The following ZSCAN20 variants were observed in gnomAD, a reference collection of about 807,000 sequenced individuals.
ZSCAN20 encodes zinc finger and SCAN domain-containing protein 20.
A neutral mutation model predicts 97.1 loss-of-function variants in ZSCAN20; 39 were observed. That is an observed-to-expected ratio of 0.40 (90% CI 0.31 to 0.52). The LOEUF (loss-of-function observed/expected upper bound fraction) is 0.52, where lower values mean the gene tolerates loss of function less well. Ranked by LOEUF, ZSCAN20 falls within the 20% of genes least tolerant of loss-of-function variation. ZSCAN20 has a pLI of 0.49. For missense variants in ZSCAN20, 1,115 were observed against 1,290.4 expected, an observed-to-expected ratio of 0.86 and a Z score of 2.08; for synonymous variants, 456 against 467.3, an observed-to-expected ratio of 0.98 and a Z score of 0.31.
In ZSCAN20 at chr1:33,488,204, C is replaced by G. The variant is rs560232774; in HGVS notation, c.418-261C>G. The stretch of plus-strand genomic sequence containing the variant: ...TACACAAATTTTACATAATTTATCT[C>G]TTTATGAATCAAAAATGTTTTGAAC... On this transcript the variant is annotated intron_variant, in intron 2 of 7. Coordinates refer to ENST00000684572, the MANE Select transcript of ZSCAN20 (RefSeq NM_001377376.1). Among the ~76,000 whole-genome samples, 7 of 152,200 alleles carry G rather than the reference C, an allele frequency of 4.6e-5. No homozygotes were observed. The East Asian group carries it at 1.2e-3, about 25-fold the overall frequency.
At chr1:33,485,533 C>CCA (rs59405726) in intron 2 of ZSCAN20, among the ~76,000 whole-genome samples, 113,175 of 151,612 alleles carry the variant, frequency 0.75, 42,545 homozygotes, top group African/African-American at 0.78. Context: ...CCTCAGCCCC[C>CCA]TGTAGCTGGG....
chr1:33,495,471 T>G lies in ZSCAN20; in HGVS notation c.3127T>G (p.Ser1043Ala). Residue 1043 changes from serine (S) to alanine (A), a missense_variant, in exon 8 of 8, where the codon TCG becomes GCG. This residue lies in a region of ZSCAN20 where 554 missense variants were observed against 584.9 expected (regional missense o/e 0.95). Coordinates refer to ENST00000684572, the MANE Select transcript of ZSCAN20 (RefSeq NM_001377376.1). ...HRRTHAGGKA[S>A] ...GAGAACCCATGCAGGAGGGAAGGCGTCGTAGGGGACAGTTTCCTCAACAAC... is the reference window on the plus strand; with the variant it reads ...GAGAACCCATGCAGGAGGGAAGGCGGCGTAGGGGACAGTTTCCTCAACAAC... The G allele has an allele frequency of 2.6e-6, 4 of 1,517,574 alleles. No individual in the cohort carries two copies. Among genetic ancestry groups the G allele is most frequent in the East Asian group, 2.3e-5 (1 of 44,010 alleles). 94.0% of individuals were successfully genotyped at this position (1,517,574 alleles called of 1,614,324 possible). A position where few individuals can be genotyped will look rare whatever the true frequency, so the allele number is the denominator to read the frequency against.
chr1:33,491,533 G>A lies in ZSCAN20; in HGVS notation c.1275G>A (p.Val425=). Residue 425 remains valine, a synonymous_variant, in exon 6 of 8, where the codon GTG becomes GTA. Transcript: ENST00000684572. The surrounding 1 kb of genome is among the most constrained non-coding windows in gnomAD (Gnocchi z 4.3). ...IRATDGPGEA[V]ALPRLGYSDA... ...CCACAGATGGCCCAGGAGAGGCCGT[G>A]GCACTTCCCAGGCTCGGGTATAGTG... 1 of 1,614,114 alleles carries A rather than the reference G, an allele frequency of 6.2e-7. No homozygotes were observed.
intron 2 of ZSCAN20, among the ~76,000 whole-genome samples, chr1:33,482,292 TA>T (rs2148453868): frequency 6.6e-6 from 1 of 152,356 alleles, no homozygotes; most frequent in East Asian, 1.9e-4. Flanking sequence ...TTTTGCCTTT[TA>T]AAAAATGTTA....
At position 33,495,431 on chromosome 1, in the gene ZSCAN20, C is replaced by T. The variant is rs1322944441; in HGVS notation, c.3087C>T (p.His1029=). ...GCAAAGACTTCAACAACAGTTCCCACTTCAGTGCTCACCGGAGAACCCATG... is the reference window on the plus strand; with the variant it reads ...GCAAAGACTTCAACAACAGTTCCCATTTCAGTGCTCACCGGAGAACCCATG... ...ECGKDFNNSS[H]FSAHRRTHAG... is the part of the protein sequence containing the mutation. The change falls in exon 8 of 8, where the codon CAC becomes CAT. Residue 1029 remains histidine (H), a synonymous_variant. Coordinates refer to ENST00000684572, the MANE Select transcript of ZSCAN20 (RefSeq NM_001377376.1). 1.9e-6 allele frequency: 3 copies of T among 1,574,588 alleles called. No homozygotes were observed. In the South Asian group the frequency reaches 3.6e-5, roughly 19 times the overall value.
intron 1 of ZSCAN20, among the ~76,000 whole-genome samples, chr1:33,474,738 G>C (rs1651856907): frequency 6.6e-6 from 1 of 152,186 alleles, no homozygotes. Flanking sequence ...AAAATCCAGA[G>C]TGCTAGTTTC....
chr1:33,487,127 T>C (rs1652400092), intron 2 of ZSCAN20, among the ~76,000 whole-genome samples: 1 of 152,182 alleles, frequency 6.6e-6, no homozygotes, highest in Non-Finnish European at 1.5e-5. Context: ...TCTAAAAGAA[T>C]GCAGAAGAGC....
chr1:33,494,684 T>C lies in ZSCAN20; in HGVS notation c.2340T>C (p.Asn780=). 1 of 1,613,698 alleles carries C rather than the reference T, an allele frequency of 6.2e-7. No homozygotes were observed. The highest frequency in any genetic ancestry group is 8.5e-7 in the Non-Finnish European group (1 of 1,179,906). Residue 780 remains asparagine, a synonymous_variant, in exon 8 of 8, where the codon AAT becomes AAC. Coordinates refer to ENST00000684572, the MANE Select transcript of ZSCAN20 (RefSeq NM_001377376.1). ...GGAAAAGCTTTAGTGACCATTCTAA[T>C]CTCATCACTCACCAGAGAATTCACA... ...ECGKSFSDHS[N]LITHQRIHTG...
At chr1:33,479,811 TGAGAAC>T in intron 2 of ZSCAN20, 106 bp downstream of exon 2, 4 of 1,241,186 alleles carry the variant, frequency 3.2e-6, no homozygotes, top group Non-Finnish European at 3.3e-6. Flanking sequence ...CAATAGTTAT[TGAGAAC>T]TGACACTTAT....
Position 33,491,714 on chromosome 1 carries a change from G to T in ZSCAN20, c.1444+12G>T. The stretch of plus-strand genomic sequence containing the variant: ...CCAGAGTCGTATTGGTAAGAACATG[G>T]GGGTTTAGTCAGATTCAGATTTCCA... On this transcript the variant is annotated intron_variant, in intron 6 of 7. Coordinates refer to ENST00000684572, the MANE Select transcript of ZSCAN20 (RefSeq NM_001377376.1). This position sits in a 1 kb window ranked among gnomAD's most constrained non-coding sequence, Gnocchi z 4.3. The T allele has an allele frequency of 6.4e-7, 1 of 1,559,180 alleles. No homozygotes were observed. The highest frequency in any genetic ancestry group is 8.7e-7 in the Non-Finnish European group (1 of 1,155,878).
rs903354400 is a variant in ZSCAN20, at chr1:33,500,188, T to C, written c.*4712T>C. Among the ~76,000 whole-genome samples, 1 of 152,188 alleles carries C rather than the reference T, an allele frequency of 6.6e-6. No homozygotes were observed. Among genetic ancestry groups the C allele is most frequent in the Non-Finnish European group, 1.5e-5 (1 of 68,018 alleles). On this transcript the variant is annotated 3_prime_UTR_variant, in exon 8 of 8. Coordinates refer to ENST00000684572, the MANE Select transcript of ZSCAN20 (RefSeq NM_001377376.1). ...CAGCAAGCCTGCACTTACCTCCAAA[T>C]AAATGCATGTTTTCGGGGGGCAAAG...
rs148065670 is a variant in ZSCAN20, at chr1:33,500,130, T to C, written c.*4654T>C. Among the ~76,000 whole-genome samples, 10 of 152,310 alleles carry C rather than the reference T, an allele frequency of 6.6e-5. No homozygotes were observed. The highest frequency in any genetic ancestry group is 8.8e-5 in the Non-Finnish European group (6 of 68,010). On this transcript the variant is annotated 3_prime_UTR_variant, in exon 8 of 8. Transcript: ENST00000684572. ...CAGCATCACTATTACTGCTAGCATG[T>C]CTTTAGCATCATTTTGCCCTCCCTC... is the stretch of plus-strand genomic sequence containing the variant.
chr1:33,488,718 G>A, intron 3 of ZSCAN20, 67 bp downstream of exon 3: 1 of 1,514,766 alleles, frequency 6.6e-7, no homozygotes, highest in African/African-American at 1.4e-5. Context: ...AGGTGAGGAA[G>A]GGTGCATGGG....
In ZSCAN20 at chr1:33,495,243, T is replaced by C; in HGVS notation, c.2899T>C (p.Phe967Leu). The C allele has an allele frequency of 6.2e-7, 1 of 1,612,560 alleles. No individual in the cohort carries two copies. Among genetic ancestry groups the C allele is most frequent in the Non-Finnish European group, 8.5e-7 (1 of 1,179,120 alleles). ...KPYKCLECGK[F>L]FRDRSNLITH... The stretch of plus-strand genomic sequence containing the variant: ...CTACAAATGCCTTGAGTGTGGAAAA[T>C]TCTTCCGTGACCGTTCTAACCTCAT... Residue 967 changes from phenylalanine (F) to leucine (L), a missense_variant, in exon 8 of 8, where the codon TTC becomes CTC. By Grantham distance (22) the Phe-to-Leu change is conservative. This residue lies in a region of ZSCAN20 where 554 missense variants were observed against 584.9 expected (regional missense o/e 0.95). Transcript: ENST00000684572.
intron 2 of ZSCAN20, among the ~76,000 whole-genome samples, chr1:33,479,964 G>T (rs979460944): frequency 2.6e-5 from 4 of 152,074 alleles, no homozygotes; most frequent in Non-Finnish European, 1.5e-5. Flanking sequence ...GAAAAGATAG[G>T]TAAGTTGCCC....
intron 1 of ZSCAN20, among the ~76,000 whole-genome samples, chr1:33,475,465 G>T (rs1287986795): frequency 6.6e-6 from 1 of 152,146 alleles, no homozygotes; most frequent in Non-Finnish European, 1.5e-5. Flanking sequence ...CATTAGATGA[G>T]AATTCGCTTG....
At position 33,496,816 on chromosome 1, in the gene ZSCAN20, C is replaced by T. The variant is rs904221284; in HGVS notation, c.*1340C>T. 1.3e-5 allele frequency among the ~76,000 whole-genome samples: 2 copies of T among 152,162 alleles called. No individual in the cohort carries two copies. The highest frequency in any genetic ancestry group is 2.9e-5 in the Non-Finnish European group (2 of 68,032). ...GTTCTTGGCACAATTTTACCCTGAG[C>T]CATCCTGTCCCAGGCCTGCCCAGGG... On this transcript the variant is annotated 3_prime_UTR_variant, in exon 8 of 8. Transcript: ENST00000684572.
rs372552175 is a variant in ZSCAN20 at position 33,490,650 on chromosome 1, AACACACACACAC to A, written c.767-352_767-341del. On this transcript the variant is annotated intron_variant, in intron 5 of 7. Transcript: ENST00000684572. ...AGGACAGAGACTCACTACACACACAAACACACACACACACACACACACACACACACACACCAC... is the reference window on the plus strand; with the variant it reads ...AGGACAGAGACTCACTACACACACAAACACACACACACACACACACACCAC... 7.7e-4 allele frequency among the ~76,000 whole-genome samples: 109 copies of A among 141,202 alleles called. 3 individuals carry two copies. The highest frequency in any genetic ancestry group is 2.8e-3 in the African/African-American group (104 of 37,572). 92.6% of individuals were successfully genotyped at this position (141,202 alleles called of 152,430 possible). A position where few individuals can be genotyped will look rare whatever the true frequency, so the allele number is the denominator to read the frequency against.
Position 33,491,006 on chromosome 1 carries a change from A to T in ZSCAN20, c.767-19A>T. 1 of 1,578,398 alleles carries T rather than the reference A, an allele frequency of 6.3e-7. No homozygotes were observed. Among genetic ancestry groups the T allele is most frequent in the Non-Finnish European group, 8.6e-7 (1 of 1,165,358 alleles). On this transcript the variant is annotated intron_variant, in intron 5 of 7. Transcript: ENST00000684572. The surrounding 1 kb of genome is among the most constrained non-coding windows in gnomAD (Gnocchi z 4.3). ...CTCAACAGACCATTTCTACTCTGTC[A>T]TTTCTCTTCCTTTTGTAGGAGTTCC...
Sources: allele counts gnomAD v4.1 joint callset (sites outside exome capture counted in the v4.1 genomes callset), GRCh38; gene constraint gnomAD v4.1.1; regional missense constraint gnomAD v4.1.1; non-coding constraint Gnocchi (gnomAD v3.1); transcripts MANE v1.5; gene names NCBI Gene and HGNC (gene_info 2026-07-23, HGNC 2026-07-21).